The following SCN9A variants were observed in gnomAD, a reference collection of about 807,000 sequenced individuals.
SCN9A encodes the protein sodium channel protein type 9 subunit alpha.
Under a neutral mutation model 187.0 loss-of-function variants are expected in SCN9A, and 131 were observed. That is an observed-to-expected ratio of 0.70 (90% CI 0.61 to 0.81). The LOEUF (loss-of-function observed/expected upper bound fraction) is 0.81. SCN9A is among the 30% of genes least tolerant of loss of function. The probability of loss-of-function intolerance (pLI) is 0.00; values close to 1 mark genes in which losing one functional copy is unlikely to be tolerated. For missense variants in SCN9A, 2,252 were observed against 2,396.6 expected, an observed-to-expected ratio of 0.94 and a Z score of 1.26; for synonymous variants, 809 against 808.6, an observed-to-expected ratio of 1.00 and a Z score of -0.01.
At position 166,202,545 on chromosome 2, in the gene SCN9A, TAA is replaced by T. The variant is rs1181918648; in HGVS notation, c.4774+1408_4774+1409del. On this transcript the variant is annotated intron_variant, in intron 26 of 26. Transcript: ENST00000642356. ...TTGTCTATTTATTACCCACACTACA[TAA>T]AAAGACTCATTGATATTTTCCTTGA... Among the ~76,000 whole-genome samples, 11 of 151,886 alleles carry T rather than the reference TAA, an allele frequency of 7.2e-5. No homozygotes were observed. The East Asian group carries it at 2.1e-3, about 29-fold the overall frequency.
rs760984471 is a variant in SCN9A at position 166,284,830 on chromosome 2, GA to G, written c.1603-7del. 3.8e-6 allele frequency: 6 copies of G among 1,588,078 alleles called. No individual in the cohort carries two copies. Among genetic ancestry groups the G allele is most frequent in the African/African-American group, 2.7e-5 (2 of 73,604 alleles). On this transcript the variant is annotated splice_polypyrimidine_tract_variant and splice_region_variant and intron_variant, in intron 11 of 26. Coordinates refer to ENST00000642356, the MANE Select transcript of SCN9A (RefSeq NM_001365536.1). ...CCACGAATGCTGAGTGGTGACTGCAGAAAAATTAAAAAAAACGTGGTTGCTG... is the reference window on the plus strand; with the variant it reads ...CCACGAATGCTGAGTGGTGACTGCAGAAAATTAAAAAAAACGTGGTTGCTG...
rs969420769 is a variant in SCN9A, at chr2:166,195,344, A to G, written c.*3328T>C. ...AGAATCCTATGTAAACAGCTTTATG[A>G]TATTCATGGCTATTTATTTATTTTC... On this transcript the variant is annotated 3_prime_UTR_variant, in exon 27 of 27. Transcript: ENST00000642356. 2 of 152,178 alleles carry G rather than the reference A, an allele frequency of 1.3e-5. No homozygotes were observed. Among genetic ancestry groups the G allele is most frequent in the Admixed American group, 1.3e-4 (2 of 15,274 alleles). 9.4% of individuals were successfully genotyped at this position (152,178 alleles called of 1,614,324 possible). A position where few individuals can be genotyped will look rare whatever the true frequency, so the allele number is the denominator to read the frequency against.
Position 166,263,560 on chromosome 2 carries a change from A to G in SCN9A, c.3351+8839T>C, listed in dbSNP as rs143012806. Reference sequence around the variant, plus strand: ...CCCTACCTCCTCAATTTTCTCCTCCATCAGTGTATTCTTAATTGTATCAAT... The same window carrying G: ...CCCTACCTCCTCAATTTTCTCCTCCGTCAGTGTATTCTTAATTGTATCAAT... On this transcript the variant is annotated intron_variant, in intron 17 of 26. Coordinates refer to ENST00000642356, the MANE Select transcript of SCN9A (RefSeq NM_001365536.1). Among the ~76,000 whole-genome samples, 724 of 152,068 alleles carry G rather than the reference A, an allele frequency of 4.8e-3. 3 individuals are homozygous for G. The highest frequency in any genetic ancestry group is 0.017 in the African/African-American group (696 of 41,524).
intron 16 of SCN9A, 147 bp from the exon 17 acceptor site, chr2:166,273,022 A>T: frequency 2.3e-6 from 1 of 442,540 alleles, no homozygotes; most frequent in Non-Finnish European, 4.0e-6. Flanking sequence ...GGATAAGACC[A>T]CATGAGAGAG....
At chr2:166,254,981 T>A (rs968646394) in intron 17 of SCN9A, among the ~76,000 whole-genome samples, 2 of 151,462 alleles carry the variant, frequency 1.3e-5, no homozygotes, top group African/African-American at 4.8e-5. Context: ...AAAAGTGTTT[T>A]AAAAATATGA....
At chr2:166,353,882 A>G (rs976822164) in intron 1 of SCN9A, among the ~76,000 whole-genome samples, 1 of 152,168 alleles carries the variant, frequency 6.6e-6, no homozygotes, top group African/African-American at 2.4e-5. Context: ...ATGTATTATC[A>G]CCAAGGTATA....
chr2:166,332,001 C>T (rs189773617), intron 1 of SCN9A, among the ~76,000 whole-genome samples: 10 of 152,164 alleles, frequency 6.6e-5, no homozygotes, highest in East Asian at 1.9e-4. Context: ...GCCTTGACAC[C>T]TGCCGTGGAA....
intron 16 of SCN9A, among the ~76,000 whole-genome samples, chr2:166,273,826 C>A (rs1193481229): frequency 6.6e-6 from 1 of 152,024 alleles, no homozygotes; most frequent in African/African-American, 2.4e-5. Context: ...GAAGTAAGAC[C>A]TAACTGAAGA....
chr2:166,370,291 C>A (rs1700525088), intron 1 of SCN9A, among the ~76,000 whole-genome samples: 1 of 150,230 alleles, frequency 6.7e-6, no homozygotes, highest in Non-Finnish European at 1.5e-5. Context: ...TGCTTGTAAT[C>A]CCAGCACTTT....
At chr2:166,360,111 C>T (rs1700242241) in intron 1 of SCN9A, among the ~76,000 whole-genome samples, 1 of 150,434 alleles carries the variant, frequency 6.6e-6, no homozygotes, top group Non-Finnish European at 1.5e-5. Context: ...ATCCCAGCTA[C>T]TCAGGAGGCT....
At chr2:166,237,012 G>C (rs111957699) in intron 20 of SCN9A, among the ~76,000 whole-genome samples, 14 of 152,198 alleles carry the variant, frequency 9.2e-5, no homozygotes, top group African/African-American at 2.6e-4. Context: ...AACTATGACT[G>C]ATTATAGGAT....
chr2:166,234,387 G>A (rs1044503893), intron 20 of SCN9A, among the ~76,000 whole-genome samples: 2 of 152,174 alleles, frequency 1.3e-5, no homozygotes, highest in Non-Finnish European at 2.9e-5. Flanking sequence ...TTACGAATAA[G>A]TTAGTGACTG....
chr2:166,282,338 A>C (rs576392441), intron 12 of SCN9A, among the ~76,000 whole-genome samples: 60 of 152,306 alleles, frequency 3.9e-4, no homozygotes, highest in Non-Finnish European at 6.8e-4. Context: ...AACTGAGCAG[A>C]GCATATGATG....
In SCN9A at chr2:166,284,571, T is replaced by C. The variant is rs757910184; in HGVS notation, c.1856A>G (p.His619Arg). 1.2e-6 allele frequency: 2 copies of C among 1,614,156 alleles called. No homozygotes were observed. The highest frequency in any genetic ancestry group is 4.5e-5 in the East Asian group (2 of 44,876). Residue 619 changes from histidine to arginine, a missense_variant, in exon 12 of 27, where the codon CAC (histidine) becomes CGC (arginine). By Grantham distance (29) the His-to-Arg change is conservative. Transcript: ENST00000642356. The part of the protein sequence containing the change: ...PPMLPVNGKM[H>R]SAVDCNGVVS... ...CACACCGTTGCAGTCCACAGCACTG[T>C]GCATTTTCCCGTTCACCGGCAGCAT...
chr2:166,277,713 G>T, intron 15 of SCN9A: 1 of 217,654 alleles, frequency 4.6e-6, no homozygotes, highest in Non-Finnish European at 9.0e-6. Context: ...CATATTAGAG[G>T]AATGTGCTTT....
At chr2:166,212,476 T>C (rs1054761435) in intron 24 of SCN9A, among the ~76,000 whole-genome samples, 2 of 152,188 alleles carry the variant, frequency 1.3e-5, no homozygotes, top group Non-Finnish European at 2.9e-5. Flanking sequence ...CATCAAAGCA[T>C]GTAAATACGT....
intron 24 of SCN9A, among the ~76,000 whole-genome samples, chr2:166,209,724 C>G (rs1211212411): frequency 6.6e-6 from 1 of 151,852 alleles, no homozygotes; most frequent in Non-Finnish European, 1.5e-5. Flanking sequence ...CATCACTGGC[C>G]ATCAGAGAAA....
intron 21 of SCN9A, 55 bp from the exon 22 acceptor site, chr2:166,229,027 C>G: frequency 7.2e-7 from 1 of 1,390,248 alleles, no homozygotes; most frequent in Non-Finnish European, 1.0e-6. Flanking sequence ...GTTAAATAGG[C>G]AACATGAAAG....
At chr2:166,357,738 A>T (rs546882633) in intron 1 of SCN9A, among the ~76,000 whole-genome samples, 2 of 152,288 alleles carry the variant, frequency 1.3e-5, no homozygotes, top group Admixed American at 1.3e-4. Flanking sequence ...CTAGTCAAGA[A>T]GTTAGCTTGT....
Sources: gnomAD v4.1 joint callset for allele counts (sites outside exome capture counted in the v4.1 genomes callset) on GRCh38, gnomAD v4.1.1 for gene constraint, MANE v1.5 for transcripts, NCBI Gene and HGNC (gene_info 2026-07-23, HGNC 2026-07-21) for gene names.